Variants in MAP4 observed in about 807,000 individuals in gnomAD.
MAP4 encodes the protein microtubule-associated protein 4.
Under a neutral mutation model 170.2 loss-of-function variants are expected in MAP4, and 76 were observed. That is an observed-to-expected ratio of 0.45 (90% CI 0.37 to 0.54). The LOEUF is 0.54. MAP4 is among the 20% of genes least tolerant of loss of function. The pLI is 0.00. For missense variants in MAP4, 2,506 were observed against 2,748.0 expected (o/e 0.91, Z 1.97); for synonymous variants, 909 against 994.5 (o/e 0.91, Z 1.62).
intron 1 of MAP4, among the ~76,000 whole-genome samples, chr3:48,035,284 A>G (rs2100118251): frequency 6.6e-6 from 1 of 151,144 alleles, no homozygotes; most frequent in African/African-American, 2.4e-5. Flanking sequence ...ATGACAAAAT[A>G]TTAAAATTGA....
At chr3:47,888,362 G>A (rs1265490016) in intron 10 of MAP4, among the ~76,000 whole-genome samples, 2 of 152,106 alleles carry the variant, frequency 1.3e-5, no homozygotes, top group African/African-American at 4.8e-5. Flanking sequence ...CTCACTCTTT[G>A]GGTCCACTCT....
chr3:47,876,132 CTTTCTTTTT>C (rs1277370740), intron 11 of MAP4, among the ~76,000 whole-genome samples: 8 of 140,568 alleles, frequency 5.7e-5, no homozygotes, highest in Admixed American at 2.2e-4. Flanking sequence ...TTTTCTTTTT[CTTTCTTTTT>C]TTTTTTTTTT....
chr3:47,966,695 A>C (rs1467288298), intron 3 of MAP4, among the ~76,000 whole-genome samples: 1 of 152,036 alleles, frequency 6.6e-6, no homozygotes, highest in Admixed American at 6.5e-5. Context: ...CAACTTTTTT[A>C]TGTGGATATC....
intron 1 of MAP4, among the ~76,000 whole-genome samples, chr3:48,037,996 A>G (rs1317690709): frequency 6.8e-6 from 1 of 146,762 alleles, no homozygotes. Flanking sequence ...GCAAAATGCC[A>G]TCTCTACTAA....
chr3:48,065,848 G>A (rs778163819), intron 1 of MAP4, among the ~76,000 whole-genome samples: 2 of 152,172 alleles, frequency 1.3e-5, no homozygotes, highest in Non-Finnish European at 2.9e-5. Flanking sequence ...GCTGGACAGG[G>A]TGGCTCACAC....
At chr3:48,086,388 G>T (rs990837535) in intron 1 of MAP4, among the ~76,000 whole-genome samples, 1 of 152,062 alleles carries the variant, frequency 6.6e-6, no homozygotes, top group Non-Finnish European at 1.5e-5. Flanking sequence ...TGTAATCCCA[G>T]GGCACTTTGG....
At chr3:47,927,732 C>T (rs1347507420) in intron 4 of MAP4, among the ~76,000 whole-genome samples, 1 of 152,158 alleles carries the variant, frequency 6.6e-6, no homozygotes, top group Non-Finnish European at 1.5e-5. Flanking sequence ...ACTTTGGCCT[C>T]CCAAAGTGCT....
At chr3:47,976,625 A>G (rs2100082331) in intron 3 of MAP4, among the ~76,000 whole-genome samples, 1 of 152,248 alleles carries the variant, frequency 6.6e-6, no homozygotes, top group African/African-American at 2.4e-5. Flanking sequence ...CTGCTTTCAA[A>G]GCAGACACAG....
intron 1 of MAP4, among the ~76,000 whole-genome samples, chr3:48,052,073 C>T (rs1242846754): frequency 6.6e-6 from 1 of 152,118 alleles, no homozygotes; most frequent in African/African-American, 2.4e-5. Context: ...AGAATGTTTC[C>T]AGACACTGTC....
At position 47,921,808 on chromosome 3, in the gene MAP4, A is replaced by C; in HGVS notation, c.486T>G (p.Thr162=). ...GATCATTTTGTCCTGCAAATATTGA[A>C]GTATCAGCTGTCGCACTGGAGGGAA... ...LVFPSSATAD[T]SIFAGQNDPL... Residue 162 remains threonine, a synonymous_variant, in exon 5 of 21, where the codon ACT becomes ACG. Transcript: ENST00000683076. The C allele has an allele frequency of 6.2e-7, 1 of 1,611,848 alleles. No homozygotes were observed.
At chr3:47,955,785 C>T (rs2100067475) in intron 3 of MAP4, among the ~76,000 whole-genome samples, 1 of 152,140 alleles carries the variant, frequency 6.6e-6, no homozygotes, top group Admixed American at 6.6e-5. Flanking sequence ...GAGTGGGTTT[C>T]AGAGCAAGAA....
intron 9 of MAP4, among the ~76,000 whole-genome samples, chr3:47,907,894 T>C (rs2100033979): frequency 6.6e-6 from 1 of 152,196 alleles, no homozygotes; most frequent in African/African-American, 2.4e-5. Context: ...AATAACAACC[T>C]TTAGCATTCT....
intron 1 of MAP4, among the ~76,000 whole-genome samples, chr3:48,081,760 A>T (rs1478781352): frequency 6.6e-6 from 1 of 152,156 alleles, no homozygotes; most frequent in Non-Finnish European, 1.5e-5. Context: ...ATCCCCTGAG[A>T]GGGCCTAGAA....
intron 1 of MAP4, among the ~76,000 whole-genome samples, chr3:48,036,305 G>T (rs1209938591): frequency 1.3e-5 from 2 of 152,048 alleles, no homozygotes; most frequent in East Asian, 3.9e-4. Context: ...TCCACCCACA[G>T]CCACCCAATC....
chr3:48,083,239 G>A (rs2100147479), intron 1 of MAP4, among the ~76,000 whole-genome samples: 1 of 152,148 alleles, frequency 6.6e-6, no homozygotes, highest in Non-Finnish European at 1.5e-5. Context: ...TTAACGCTAA[G>A]AGAAATGGAA....
At position 47,915,967 on chromosome 3, in the gene MAP4, A is replaced by G. The variant is rs1379477748; in HGVS notation, c.1860T>C (p.Thr620=). The G allele has an allele frequency of 6.2e-7, 1 of 1,611,856 alleles. No homozygotes were observed. The highest frequency in any genetic ancestry group is 1.3e-5 in the African/African-American group (1 of 74,928). ...AGCACGTACCTGGTGAAATCATGAA[A>G]GTAGGTGCAGCTGACTGCCCCACAT... The part of the protein sequence containing the change: ...LQDVGQSAAP[T]FMISPETVTG... The change falls in exon 7 of 21, where the codon ACT becomes ACC. Residue 620 remains threonine (T), a synonymous_variant. Coordinates refer to ENST00000683076, the MANE Select transcript of MAP4 (RefSeq NM_001385682.1).
chr3:47,872,217 T>G, intron 12 of MAP4, 117 bp from the exon 13 acceptor site: 2 of 960,452 alleles, frequency 2.1e-6, no homozygotes, highest in Non-Finnish European at 3.1e-6. Context: ...GAAGTCTCAC[T>G]CTGTTGCCCA....
intron 3 of MAP4, among the ~76,000 whole-genome samples, chr3:47,962,604 TTC>T (rs1002663468): frequency 6.6e-6 from 1 of 152,218 alleles, no homozygotes; most frequent in Non-Finnish European, 1.5e-5. Flanking sequence ...ATGGTGTAGC[TTC>T]TGTCTCCTGA....
At chr3:47,880,368 A>G (rs945898376) in intron 10 of MAP4, among the ~76,000 whole-genome samples, 1 of 147,182 alleles carries the variant, frequency 6.8e-6, no homozygotes, top group African/African-American at 2.5e-5. Context: ...TCGGCCTCCC[A>G]AAATGTTGGG....
Sources: allele counts gnomAD v4.1 joint callset (sites outside exome capture counted in the v4.1 genomes callset), GRCh38; gene constraint gnomAD v4.1.1; transcripts MANE v1.5; gene names NCBI Gene and HGNC (gene_info 2026-07-23, HGNC 2026-07-21).